The following DENND2A variants were observed in gnomAD, a reference collection of about 807,000 sequenced individuals.
DENND2A encodes the protein DENN domain-containing protein 2A.
DENND2A carries 53 observed loss-of-function variants against 105.3 expected under a neutral mutation model. The ratio of observed to expected loss-of-function variants is 0.50; its 90% CI spans 0.40 to 0.63. DENND2A has a LOEUF of 0.63. Ranked by LOEUF, DENND2A falls within the 30% of genes least tolerant of loss-of-function variation. DENND2A has a pLI of 0.00. For synonymous variants in DENND2A, 522 were observed against 508.4 expected (o/e 1.03, Z -0.36); for missense variants, 1,138 against 1,279.6 (o/e 0.89, Z 1.69).
At chr7:140,537,922 A>G (rs997763601) in intron 14 of DENND2A, among the ~76,000 whole-genome samples, 7 of 152,182 alleles carry the variant, frequency 4.6e-5, no homozygotes, top group African/African-American at 1.7e-4. Flanking sequence ...AAAAAACAAA[A>G]TGTTCATCAT....
intron 9 of DENND2A, among the ~76,000 whole-genome samples, chr7:140,564,762 T>C (rs1797769168): frequency 6.6e-6 from 1 of 152,256 alleles, no homozygotes; most frequent in Non-Finnish European, 1.5e-5. Flanking sequence ...CATGAATTAA[T>C]GCTTCCTTGA....
chr7:140,529,915 A>C (rs1163901156), intron 14 of DENND2A, among the ~76,000 whole-genome samples: 1 of 152,172 alleles, frequency 6.6e-6, no homozygotes, highest in African/African-American at 2.4e-5. Context: ...CACGCTGTGC[A>C]CATGTACCCT....
At chr7:140,529,358 T>C (rs1421802097) in intron 14 of DENND2A, among the ~76,000 whole-genome samples, 1 of 152,190 alleles carries the variant, frequency 6.6e-6, no homozygotes, top group Non-Finnish European at 1.5e-5. Flanking sequence ...GACTGTAAAC[T>C]AGTTCAACCA....
In DENND2A at chr7:140,601,473, A is replaced by G; in HGVS notation, c.925T>C (p.Ser309Pro). 6.2e-7 allele frequency: 1 copy of G among 1,613,900 alleles called. No homozygotes were observed. The highest frequency in any genetic ancestry group is 1.1e-5 in the South Asian group (1 of 91,058). ...LPSLPPPPLP[S>P]SPPPSSVNRR... ...TTCACAGAGGAAGGTGGGGGAGAGG[A>G]GGGCAGAGGCGGGGGAGGTAGAGAG... The change falls in exon 3 of 20, where the codon TCC (serine) becomes CCC (proline). Residue 309 changes from serine to proline, a missense_variant. Ser to Pro is a moderately conservative substitution (Grantham distance 74, BLOSUM62 -1). Around this residue, in one of 2 missense-constraint regions of DENND2A, gnomAD observed 511 missense variants for 499.9 expected, o/e 1.02. Transcript: ENST00000496613.
intron 12 of DENND2A, among the ~76,000 whole-genome samples, chr7:140,548,990 T>G (rs2130536003): frequency 6.6e-6 from 1 of 151,664 alleles, no homozygotes; most frequent in Non-Finnish European, 1.5e-5. Context: ...AGGCCAAGGC[T>G]GGCGGATCAC....
chr7:140,561,523 A>G (rs1203343574), intron 9 of DENND2A, among the ~76,000 whole-genome samples: 5 of 127,562 alleles, frequency 3.9e-5, no homozygotes, highest in African/African-American at 1.2e-4. Context: ...TTTTTTTGAG[A>G]CAGTCTCACT....
intron 12 of DENND2A, among the ~76,000 whole-genome samples, chr7:140,547,307 A>G (rs535005283): frequency 6.6e-6 from 1 of 152,324 alleles, no homozygotes; most frequent in South Asian, 2.1e-4. Context: ...AAACTTAGAT[A>G]TTACAGTGGT....
intron 5 of DENND2A, among the ~76,000 whole-genome samples, chr7:140,584,828 A>G (rs1798710578): frequency 6.6e-6 from 1 of 152,150 alleles, no homozygotes; most frequent in South Asian, 2.1e-4. Context: ...TCATCTTTAT[A>G]TATATGCATG....
chr7:140,619,069 A>T (rs1800187493), intron 1 of DENND2A, among the ~76,000 whole-genome samples: 1 of 152,184 alleles, frequency 6.6e-6, no homozygotes, highest in Non-Finnish European at 1.5e-5. Context: ...AAGTGCTGGG[A>T]TTACAGGCAT....
chr7:140,609,284 G>A (rs1331579704), intron 1 of DENND2A, among the ~76,000 whole-genome samples: 2 of 152,146 alleles, frequency 1.3e-5, no homozygotes, highest in Admixed American at 6.5e-5. Flanking sequence ...AGGCCAAGGC[G>A]GGCGGATCTC....
At chr7:140,609,757 A>G (rs998155979) in intron 1 of DENND2A, 14 of 152,194 alleles carry the variant, frequency 9.2e-5, no homozygotes, top group Non-Finnish European at 2.1e-4. Context: ...GCTGAAGTGA[A>G]TACTGTAAAA....
intron 1 of DENND2A, among the ~76,000 whole-genome samples, chr7:140,630,563 A>T (rs904249687): frequency 1.3e-5 from 2 of 152,194 alleles, no homozygotes; most frequent in African/African-American, 2.4e-5. Context: ...TATTCAAAAT[A>T]CATAACAGGC....
At chr7:140,569,611 C>A in intron 7 of DENND2A, 34 bp downstream of exon 7, 3 of 1,438,430 alleles carry the variant, frequency 2.1e-6, no homozygotes, top group Non-Finnish European at 2.9e-6. Flanking sequence ...TTTTCCGATT[C>A]TTGCGGGAGG....
At chr7:140,594,187 C>T (rs369857081) in intron 3 of DENND2A, among the ~76,000 whole-genome samples, 13 of 152,280 alleles carry the variant, frequency 8.5e-5, no homozygotes, top group South Asian at 2.1e-4. Flanking sequence ...GGATTACAAG[C>T]GTGAGCCACC....
At chr7:140,607,114 C>T (rs531679383) in intron 1 of DENND2A, among the ~76,000 whole-genome samples, 2 of 152,284 alleles carry the variant, frequency 1.3e-5, no homozygotes, top group African/African-American at 4.8e-5. Flanking sequence ...GTTACGTTTC[C>T]AGGGAAGCCC....
rs770327450 is a variant in DENND2A, at chr7:140,559,691, G to A, written c.1889+17C>T. ...CCTTAGTCTTTGGGGCTGCGAAGGG[G>A]AGAAGCCAGCTCGTACCTGGTGAAC... is the stretch of plus-strand genomic sequence containing the variant. On this transcript the variant is annotated intron_variant, in intron 10 of 19. Transcript: ENST00000496613. This position sits in a 1 kb window ranked among gnomAD's most constrained non-coding sequence, Gnocchi z 4.1. 11 of 1,597,504 alleles carry A rather than the reference G, an allele frequency of 6.9e-6. No individual in the cohort carries two copies. In the East Asian group the frequency reaches 1.8e-4, roughly 26 times the overall value.
intron 5 of DENND2A, among the ~76,000 whole-genome samples, chr7:140,576,768 C>T (rs1030732495): frequency 6.6e-6 from 1 of 152,134 alleles, no homozygotes; most frequent in African/African-American, 2.4e-5. Flanking sequence ...GAAGAGCTGA[C>T]CTGGATTGGG....
intron 1 of DENND2A, among the ~76,000 whole-genome samples, chr7:140,626,427 C>T (rs1343844922): frequency 2.0e-5 from 3 of 152,154 alleles, no homozygotes; most frequent in Admixed American, 6.5e-5. Flanking sequence ...GAAGGACCAC[C>T]CGGTGTGATC....
chr7:140,582,096 C>T (rs1215059010), intron 5 of DENND2A, among the ~76,000 whole-genome samples: 1 of 152,060 alleles, frequency 6.6e-6, no homozygotes, highest in African/African-American at 2.4e-5. Context: ...TCCCGAGTAG[C>T]TGGGATTACA....
Sources: allele counts gnomAD v4.1 joint callset (sites outside exome capture counted in the v4.1 genomes callset), GRCh38; gene constraint gnomAD v4.1.1; regional missense constraint gnomAD v4.1.1; non-coding constraint Gnocchi (gnomAD v3.1); transcripts MANE v1.5; gene names NCBI Gene and HGNC (gene_info 2026-07-23, HGNC 2026-07-21).